Variants in ERICH1 observed in about 807,000 individuals in gnomAD.
ERICH1 encodes the protein glutamate-rich protein 1.
Under a neutral mutation model 39.6 loss-of-function variants are expected in ERICH1, and 56 were observed. That is an observed-to-expected ratio of 1.41 (90% CI 1.14 to 1.77). The LOEUF (loss-of-function observed/expected upper bound fraction) is 1.77. ERICH1 is among the 40% of genes most tolerant of loss of function. The pLI, the probability that ERICH1 is intolerant of heterozygous loss-of-function variation, is 0.00. For synonymous variants in ERICH1, 313 were observed against 223.6 expected (o/e 1.40, Z -3.57); for missense variants, 826 against 575.4 (o/e 1.44, Z -4.45).
At chr8:621,722 A>C (rs188194707) in intron 3 of ERICH1, among the ~76,000 whole-genome samples, 533 of 152,264 alleles carry the variant, frequency 3.5e-3, no homozygotes, top group Non-Finnish European at 5.8e-3. Context: ...AAAGAGAGGG[A>C]CTAAATTACC....
chr8:726,799 A>G (rs1013502975), intron 1 of ERICH1, among the ~76,000 whole-genome samples: 2 of 151,716 alleles, frequency 1.3e-5, no homozygotes, highest in East Asian at 1.9e-4. Flanking sequence ...ATGAACATGG[A>G]CACATGGACA....
chr8:616,162 T>C (rs1796889078), intron 3 of ERICH1: 1 of 193,644 alleles, frequency 5.2e-6, no homozygotes, highest in East Asian at 1.5e-4. Context: ...AATAAGTATA[T>C]TAAACTCAAG....
chr8:703,971 T>C (rs950069452), intron 2 of ERICH1, among the ~76,000 whole-genome samples: 1 of 152,098 alleles, frequency 6.6e-6, no homozygotes, highest in Non-Finnish European at 1.5e-5. Context: ...TGCACCCACA[T>C]GAAGGCCAGA....
chr8:707,033 G>C (rs1336075631), intron 2 of ERICH1, among the ~76,000 whole-genome samples: 3 of 151,768 alleles, frequency 2.0e-5, no homozygotes, highest in Non-Finnish European at 4.4e-5. Context: ...CCTGAGTCTT[G>C]AAAAAGAACA....
chr8:729,777 C>G (rs999584455), intron 1 of ERICH1, among the ~76,000 whole-genome samples: 18 of 151,994 alleles, frequency 1.2e-4, no homozygotes, highest in African/African-American at 4.1e-4. Context: ...AAACAATTAA[C>G]AGCTTTCATT....
chr8:685,648 C>T (rs1338069892), intron 3 of ERICH1, among the ~76,000 whole-genome samples: 1 of 152,204 alleles, frequency 6.6e-6, no homozygotes, highest in Non-Finnish European at 1.5e-5. Flanking sequence ...ATGAAATCTT[C>T]ACAATTTATG....
intron 2 of ERICH1, among the ~76,000 whole-genome samples, chr8:699,553 C>T (rs1011185641): frequency 2.6e-5 from 4 of 152,042 alleles, no homozygotes; most frequent in African/African-American, 9.7e-5. Context: ...CTCACAAAAG[C>T]AGGCGTTCCA....
At chr8:668,912 T>C (rs1466231397) in intron 4 of ERICH1, 120 bp from the exon 5 acceptor site, 9 of 878,674 alleles carry the variant, frequency 1.0e-5, no homozygotes, top group Non-Finnish European at 1.5e-5. Flanking sequence ...ATGACATATC[T>C]GGGAGATGAG....
At chr8:640,852 T>A (rs184785371) in intron 3 of ERICH1, 1 of 152,216 alleles carries the variant, frequency 6.6e-6, no homozygotes, top group Non-Finnish European at 1.5e-5. Context: ...CACCAGACAA[T>A]TGAAAATATT....
intron 3 of ERICH1, chr8:637,632 G>C (rs1798544241): frequency 6.6e-6 from 1 of 152,392 alleles, no homozygotes; most frequent in Non-Finnish European, 1.5e-5. Flanking sequence ...AGCTGTGTGG[G>C]GTGCTCAGCT....
intron 5 of ERICH1, among the ~76,000 whole-genome samples, chr8:664,908 C>G (rs911814308): frequency 6.6e-6 from 1 of 152,192 alleles, no homozygotes; most frequent in Non-Finnish European, 1.5e-5. Context: ...TTGTATTTCA[C>G]TGGGGTGTGA....
At chr8:714,826 C>T (rs1463209749) in intron 2 of ERICH1, among the ~76,000 whole-genome samples, 2 of 152,082 alleles carry the variant, frequency 1.3e-5, no homozygotes, top group Non-Finnish European at 2.9e-5. Context: ...TGTTCTCATC[C>T]CACGTCTCTC....
chr8:707,205 TTTC>T (rs1436316097), intron 2 of ERICH1, among the ~76,000 whole-genome samples: 12 of 116,794 alleles, frequency 1.0e-4, no homozygotes, highest in East Asian at 9.7e-4. Flanking sequence ...ATTTTTTTTG[TTTC>T]TTTTTTTTTT....
chr8:658,406 C>A (rs376488147), intron 3 of ERICH1, among the ~76,000 whole-genome samples: 1 of 152,180 alleles, frequency 6.6e-6, no homozygotes, highest in South Asian at 2.1e-4. Flanking sequence ...CACAAGGCCC[C>A]GAGTCCAGTC....
At chr8:664,753 C>A in intron 5 of ERICH1, 77 bp from the exon 6 acceptor site, 3 of 1,259,518 alleles carry the variant, frequency 2.4e-6, no homozygotes, top group Non-Finnish European at 3.3e-6. Context: ...TATGTAGACA[C>A]GAGCCTTTGG....
chr8:641,741 C>G (rs1421809906), intron 3 of ERICH1, among the ~76,000 whole-genome samples: 1 of 152,218 alleles, frequency 6.6e-6, no homozygotes, highest in Non-Finnish European at 1.5e-5. Context: ...GCCGATTCCT[C>G]TCCTGTCTGC....
At chr8:724,784 G>A (rs943987698) in intron 1 of ERICH1, among the ~76,000 whole-genome samples, 2 of 152,128 alleles carry the variant, frequency 1.3e-5, no homozygotes, top group African/African-American at 2.4e-5. Context: ...ATTCCACACC[G>A]ACAAGCCCCG....
At chr8:720,219 G>A (rs534131558) in intron 1 of ERICH1, among the ~76,000 whole-genome samples, 32 of 152,310 alleles carry the variant, frequency 2.1e-4, no homozygotes, top group Admixed American at 1.2e-3. Flanking sequence ...AATGCAGGCC[G>A]CGCAGACATA....
At chr8:674,177 G>T in intron 3 of ERICH1, 130 bp from the exon 4 acceptor site, 1 of 1,067,396 alleles carries the variant, frequency 9.4e-7, no homozygotes, top group Non-Finnish European at 1.3e-6. Flanking sequence ...TTACTTCGGT[G>T]ATTCTCAACT....
Sources: gnomAD v4.1 joint callset for allele counts (sites outside exome capture counted in the v4.1 genomes callset) on GRCh38, gnomAD v4.1.1 for gene constraint, MANE v1.5 for transcripts, NCBI Gene and HGNC (gene_info 2026-07-23, HGNC 2026-07-21) for gene names.